The following DOCK3 variants were observed in gnomAD, a reference collection of about 807,000 sequenced individuals.
DOCK3 encodes the protein dedicator of cytokinesis protein 3.
Under a neutral mutation model 265.6 loss-of-function variants are expected in DOCK3, and 60 were observed. That is an observed-to-expected ratio of 0.23 (90% CI 0.18 to 0.28). The LOEUF is 0.28. DOCK3 is among the 10% of genes least tolerant of loss of function. The pLI is 1.00. For missense variants in DOCK3, 1,981 were observed against 2,594.3 expected (o/e 0.76, Z 5.14); for synonymous variants, 881 against 938.0 (o/e 0.94, Z 1.11).
intron 37 of DOCK3, among the ~76,000 whole-genome samples, chr3:51,340,940 C>T (rs1553862780): frequency 3.3e-5 from 5 of 152,174 alleles, no homozygotes; most frequent in South Asian, 2.1e-4. Context: ...AGCAAGGCAG[C>T]CTGTGCACAG....
At chr3:51,161,684 T>C (rs146538675) in intron 12 of DOCK3, among the ~76,000 whole-genome samples, 2 of 152,342 alleles carry the variant, frequency 1.3e-5, no homozygotes, top group South Asian at 4.1e-4. Flanking sequence ...TCATGTGTCT[T>C]GGCTATGAGA....
chr3:51,293,634 GCTT>G (rs1306710402), intron 27 of DOCK3, among the ~76,000 whole-genome samples: 3 of 152,114 alleles, frequency 2.0e-5, no homozygotes, highest in African/African-American at 7.2e-5. Context: ...AAACTAAAAA[GCTT>G]CTTCACAGTG....
intron 38 of DOCK3, among the ~76,000 whole-genome samples, chr3:51,346,781 C>T (rs1367856683): frequency 6.6e-6 from 1 of 152,174 alleles, no homozygotes; most frequent in Non-Finnish European, 1.5e-5. Flanking sequence ...CCTACTTCTC[C>T]CCATCCTCTC....
At chr3:51,231,808 G>C (rs2078134661) in intron 19 of DOCK3, among the ~76,000 whole-genome samples, 1 of 152,134 alleles carries the variant, frequency 6.6e-6, no homozygotes, top group Admixed American at 6.6e-5. Flanking sequence ...TGCTTTTGAG[G>C]ACTTAGTGAT....
Position 51,300,960 on chromosome 3 carries a change from G to A in DOCK3, c.2923-9272G>A, listed in dbSNP as rs543095384. The stretch of plus-strand genomic sequence containing the variant: ...AGTCCATCCTTTTCAGTTGCTTGGA[G>A]TAATTTCAGAAGAAATGGTACCAGC... On this transcript the variant is annotated intron_variant, in intron 27 of 52. Coordinates refer to ENST00000266037, the MANE Select transcript of DOCK3 (RefSeq NM_004947.5). 4.6e-5 allele frequency among the ~76,000 whole-genome samples: 7 copies of A among 152,114 alleles called. No homozygotes were observed. The South Asian group carries it at 1.5e-3, about 32-fold the overall frequency.
chr3:51,239,060 A>G (rs990771202), intron 21 of DOCK3, among the ~76,000 whole-genome samples: 1 of 152,162 alleles, frequency 6.6e-6, no homozygotes, highest in Non-Finnish European at 1.5e-5. Context: ...GGTTGAACTA[A>G]TTTACACTAC....
intron 2 of DOCK3, among the ~76,000 whole-genome samples, chr3:50,811,275 A>G (rs554515076): frequency 6.6e-6 from 1 of 151,924 alleles, no homozygotes; most frequent in Admixed American, 6.6e-5. Flanking sequence ...GTGGTGGTGC[A>G]TGCCTGTAGT....
At chr3:50,781,632 A>T (rs555220229) in intron 2 of DOCK3, among the ~76,000 whole-genome samples, 30 of 152,124 alleles carry the variant, frequency 2.0e-4, no homozygotes, top group African/African-American at 6.5e-4. Flanking sequence ...TATTTATTTT[A>T]AGTTTTGTTT....
intron 2 of DOCK3, among the ~76,000 whole-genome samples, chr3:50,840,881 C>T (rs546554873): frequency 2.0e-5 from 3 of 152,060 alleles, no homozygotes; most frequent in South Asian, 4.2e-4. Context: ...AAAGTTGATT[C>T]TTTTTTTTCA....
chr3:50,736,170 G>A (rs900872339), intron 1 of DOCK3, among the ~76,000 whole-genome samples: 2 of 151,980 alleles, frequency 1.3e-5, no homozygotes, highest in South Asian at 2.1e-4. Flanking sequence ...TTTGTCTTGC[G>A]ATAGTTTGCT....
At chr3:51,201,459 CAAG>C (rs2088767369) in intron 12 of DOCK3, among the ~76,000 whole-genome samples, 1 of 152,182 alleles carries the variant, frequency 6.6e-6, no homozygotes, top group African/African-American at 2.4e-5. Flanking sequence ...ATCAATTCAA[CAAG>C]AAGAGCTAAC....
At chr3:50,767,008 C>G (rs183893669) in intron 1 of DOCK3, among the ~76,000 whole-genome samples, 251 of 152,102 alleles carry the variant, frequency 1.7e-3, no homozygotes, top group African/African-American at 5.8e-3. Context: ...TTTGTAGATT[C>G]TGGATATTAG....
chr3:50,736,479 G>C (rs927501961), intron 1 of DOCK3, among the ~76,000 whole-genome samples: 1 of 152,150 alleles, frequency 6.6e-6, no homozygotes, highest in African/African-American at 2.4e-5. Flanking sequence ...TCGCCGCACT[G>C]TCTTCCATAA....
At chr3:50,871,455 T>G (rs2047427028) in intron 3 of DOCK3, among the ~76,000 whole-genome samples, 1 of 152,136 alleles carries the variant, frequency 6.6e-6, no homozygotes, top group Non-Finnish European at 1.5e-5. Flanking sequence ...CTTTTTTTAA[T>G]CCTTGATCTT....
At chr3:50,861,583 T>C (rs1482018544) in intron 3 of DOCK3, among the ~76,000 whole-genome samples, 1 of 152,176 alleles carries the variant, frequency 6.6e-6, no homozygotes, top group Non-Finnish European at 1.5e-5. Context: ...TTTGGTAGTA[T>C]ATGTTTTATA....
chr3:51,250,356 C>T (rs972889806), intron 22 of DOCK3, among the ~76,000 whole-genome samples: 2 of 151,996 alleles, frequency 1.3e-5, no homozygotes, highest in African/African-American at 4.8e-5. Context: ...TGGCAGCTCA[C>T]GCCTATAATC....
intron 3 of DOCK3, among the ~76,000 whole-genome samples, chr3:50,878,243 C>T (rs1056457105): frequency 4.6e-5 from 7 of 152,122 alleles, no homozygotes; most frequent in Admixed American, 6.5e-5. Context: ...TGCAGCTCCT[C>T]GCCAGCAATG....
intron 2 of DOCK3, chr3:50,787,609 GT>G: frequency 8.2e-7 from 1 of 1,218,782 alleles, no homozygotes; most frequent in South Asian, 1.2e-5. Context: ...AGGCTCCTTT[GT>G]TTCCCGCTTC....
chr3:51,377,692 G>A (rs546200223), intron 51 of DOCK3, among the ~76,000 whole-genome samples: 1 of 152,322 alleles, frequency 6.6e-6, no homozygotes, highest in South Asian at 2.1e-4. Context: ...CAGGCTGCAG[G>A]GCAAACTTGA....
Sources: gnomAD v4.1 joint callset for allele counts (sites outside exome capture counted in the v4.1 genomes callset) on GRCh38, gnomAD v4.1.1 for gene constraint, MANE v1.5 for transcripts, NCBI Gene and HGNC (gene_info 2026-07-23, HGNC 2026-07-21) for gene names.